WNT3: variants seen among roughly 807,000 people sequenced by gnomAD.
The protein encoded by WNT3 is proto-oncogene Wnt-3.
WNT3 carries 7 observed loss-of-function variants against 34.2 expected under a neutral mutation model. That is an observed-to-expected ratio of 0.20 (90% CI 0.12 to 0.38). The LOEUF (loss-of-function observed/expected upper bound fraction) is 0.38, where lower values mean the gene tolerates loss of function less well. Ranked by LOEUF, WNT3 falls within the 10% of genes least tolerant of loss-of-function variation. WNT3 has a pLI of 1.00. For synonymous variants in WNT3, 212 were observed against 211.5 expected (o/e 1.00, Z -0.02); for missense variants, 267 against 499.8 (o/e 0.53, Z 4.44).
chr17:46,804,276 C>T (rs1052938927), intron 1 of WNT3, among the ~76,000 whole-genome samples: 66 of 152,006 alleles, frequency 4.3e-4, no homozygotes, highest in African/African-American at 1.4e-3. Flanking sequence ...TTAGTAGAGA[C>T]GGGGTTTCAG....
chr17:46,789,137 C>T (rs2083946214), intron 1 of WNT3, among the ~76,000 whole-genome samples: 1 of 152,190 alleles, frequency 6.6e-6, no homozygotes, highest in Non-Finnish European at 1.5e-5. Flanking sequence ...CCTGGTCTTG[C>T]AAGGACTCTT....
intron 4 of WNT3, among the ~76,000 whole-genome samples, chr17:46,766,687 A>T (rs769940417): frequency 6.6e-6 from 1 of 151,964 alleles, no homozygotes; most frequent in Non-Finnish European, 1.5e-5. Context: ...CTTCTCCATG[A>T]CGTCAAGTAC....
intron 1 of WNT3, among the ~76,000 whole-genome samples, chr17:46,778,329 T>A (rs2059429208): frequency 6.6e-6 from 1 of 152,158 alleles, no homozygotes; most frequent in Non-Finnish European, 1.5e-5. Context: ...TCAAGGTCAC[T>A]CAAAGAGTGC....
At chr17:46,778,635 C>T (rs1403745163) in intron 1 of WNT3, among the ~76,000 whole-genome samples, 1 of 152,172 alleles carries the variant, frequency 6.6e-6, no homozygotes, top group East Asian at 1.9e-4. Flanking sequence ...CGTTCCACTT[C>T]GGGAGGCGGC....
intron 1 of WNT3, among the ~76,000 whole-genome samples, chr17:46,797,148 A>C (rs945762776): frequency 2.6e-5 from 4 of 152,134 alleles, no homozygotes; most frequent in African/African-American, 9.7e-5. Context: ...AGAACAATAA[A>C]CACCAAGAGG....
chr17:46,797,104 G>C (rs1429852276), intron 1 of WNT3, among the ~76,000 whole-genome samples: 1 of 152,200 alleles, frequency 6.6e-6, no homozygotes, highest in Non-Finnish European at 1.5e-5. Context: ...TCTCAGTGCT[G>C]CAACTATGCT....
At chr17:46,803,140 T>C (rs964695206) in intron 1 of WNT3, among the ~76,000 whole-genome samples, 2 of 152,232 alleles carry the variant, frequency 1.3e-5, no homozygotes, top group Non-Finnish European at 2.9e-5. Context: ...GCTTGCTTGG[T>C]GTATGCACGC....
intron 3 of WNT3, 57 bp downstream of exon 3, chr17:46,769,726 C>T (rs1272609418): frequency 5.0e-6 from 8 of 1,597,212 alleles, no homozygotes; most frequent in African/African-American, 1.3e-5. Context: ...AGGGCAGCTC[C>T]GGAGGGGAAG....
rs151228512 is a variant in WNT3, at chr17:46,798,041, G to A, written c.80+20477C>T. Reference sequence around the variant, plus strand: ...CCTCCTGGATTCAAGCGATTCTCCTGCCTCAGCCTCCCGAGTAGCTAGGAC... The same window carrying A: ...CCTCCTGGATTCAAGCGATTCTCCTACCTCAGCCTCCCGAGTAGCTAGGAC... On this transcript the variant is annotated intron_variant, in intron 1 of 4. Transcript: ENST00000225512. 5.5e-3 allele frequency among the ~76,000 whole-genome samples: 832 copies of A among 152,246 alleles called. 4 individuals are homozygous for A. The highest frequency in any genetic ancestry group is 0.01 in the Middle Eastern group (3 of 294).
At chr17:46,780,517 G>A (rs995865628) in intron 1 of WNT3, among the ~76,000 whole-genome samples, 1 of 152,074 alleles carries the variant, frequency 6.6e-6, no homozygotes, top group African/African-American at 2.4e-5. Flanking sequence ...GCCCAGGTGC[G>A]GTGGCTCACG....
intron 1 of WNT3, among the ~76,000 whole-genome samples, chr17:46,799,901 A>G (rs2084102307): frequency 6.6e-6 from 1 of 152,178 alleles, no homozygotes; most frequent in African/African-American, 2.4e-5. Context: ...TGGGATTTGC[A>G]CCACAGGTGG....
At position 46,766,415 on chromosome 17, in the gene WNT3, A is replaced by AT. The variant is rs560039494; in HGVS notation, c.*9-1795_*9-1794insA. On this transcript the variant is annotated intron_variant, in intron 4 of 4. Transcript: ENST00000225512. ...AAGAGAGACTCAGTCTCAAAAAAAA[A>AT]AAAAAAGTTCTGCTGGGCTCCCATT... is the stretch of plus-strand genomic sequence containing the variant. Among the ~76,000 whole-genome samples, 247 of 152,152 alleles carry AT rather than the reference A, an allele frequency of 1.6e-3. 1 individual carries two copies. Among genetic ancestry groups the AT allele is most frequent in the African/African-American group, 5.7e-3 (235 of 41,508 alleles).
At chr17:46,773,619 T>TGCCGGGGG in intron 2 of WNT3, 49 bp downstream of exon 2, 1 of 549,848 alleles carries the variant, frequency 1.8e-6, no homozygotes, top group Non-Finnish European at 3.2e-6. Context: ...ACAGTCCTGA[T>TGCCGGGGG]CCCTCCCCCC....
At position 46,796,211 on chromosome 17, in the gene WNT3, T is replaced by G. The variant is rs190201988; in HGVS notation, c.81-22302A>C. On this transcript the variant is annotated intron_variant, in intron 1 of 4. Coordinates refer to ENST00000225512, the MANE Select transcript of WNT3 (RefSeq NM_030753.5). The stretch of plus-strand genomic sequence containing the variant: ...AAAACATCCCCCACTTCAAAGAGGC[T>G]GCGGGGAGGAAGAATTGAAATGATG... Among the ~76,000 whole-genome samples the G allele has an allele frequency of 1.4e-4, 22 of 152,294 alleles. No individual in the cohort carries two copies. In the East Asian group the frequency reaches 3.1e-3, roughly 21 times the overall value.
rs2059335129 is a variant in WNT3, at chr17:46,768,563, G to T, written c.825C>A (p.Val275=). The T allele has an allele frequency of 6.2e-7, 1 of 1,614,098 alleles. No homozygotes were observed. Among genetic ancestry groups the T allele is most frequent in the Non-Finnish European group, 8.5e-7 (1 of 1,180,058 alleles). Residue 275 remains valine, a synonymous_variant, in exon 4 of 5, where the codon GTC becomes GTA. Coordinates refer to ENST00000225512, the MANE Select transcript of WNT3 (RefSeq NM_030753.5). This position sits in a 1 kb window ranked among gnomAD's most constrained non-coding sequence, Gnocchi z 5.0. ...LFKPPTERDL[V]YYENSPNFCE... is the part of the protein sequence containing the mutation. Reference sequence around the variant, plus strand: ...AAAAGTTGGGGGAGTTCTCGTAGTAGACCAGGTCCCTCTCCGTGGGTGGCT... The same window carrying T: ...AAAAGTTGGGGGAGTTCTCGTAGTATACCAGGTCCCTCTCCGTGGGTGGCT...
intron 2 of WNT3, 146 bp from the exon 3 acceptor site, chr17:46,770,194 T>G: frequency 8.8e-7 from 1 of 1,137,658 alleles, no homozygotes; most frequent in East Asian, 2.6e-5. Context: ...GGAGGCAGCT[T>G]CCCCACCCTC....
At chr17:46,786,125 G>A (rs533630789) in intron 1 of WNT3, among the ~76,000 whole-genome samples, 15 of 149,626 alleles carry the variant, frequency 1.0e-4, no homozygotes, top group African/African-American at 3.7e-4. Context: ...GGAGGAGGGT[G>A]CGAGAGAGGG....
intron 2 of WNT3, among the ~76,000 whole-genome samples, chr17:46,771,330 C>CA (rs2059366957): frequency 4.6e-5 from 7 of 151,952 alleles, no homozygotes; most frequent in Admixed American, 3.3e-4. Context: ...GCCGCTCACT[C>CA]GCCCCAATCC....
intron 1 of WNT3, among the ~76,000 whole-genome samples, chr17:46,794,432 G>A (rs1205549748): frequency 2.6e-5 from 4 of 152,096 alleles, no homozygotes; most frequent in African/African-American, 9.7e-5. Context: ...GAGCCTTGGG[G>A]GTCATCTGGT....
Sources: gnomAD v4.1 joint callset for allele counts (sites outside exome capture counted in the v4.1 genomes callset) on GRCh38, gnomAD v4.1.1 for gene constraint, Gnocchi (gnomAD v3.1) non-coding constraint, MANE v1.5 for transcripts, NCBI Gene and HGNC (gene_info 2026-07-23, HGNC 2026-07-21) for gene names.